Variants in PIK3CD observed in about 807,000 individuals in gnomAD.
PIK3CD encodes phosphatidylinositol 4,5-bisphosphate 3-kinase catalytic subunit delta isoform.
Under a neutral mutation model 122.9 loss-of-function variants are expected in PIK3CD, and 20 were observed. The observed-to-expected ratio is 0.16, with a 90% confidence interval of 0.11 to 0.24. PIK3CD has a LOEUF of 0.24. Among genes scored for constraint, PIK3CD ranks in the 10% least tolerant of loss-of-function variants. PIK3CD has a pLI of 1.00. For synonymous variants in PIK3CD, 596 were observed against 593.4 expected, an observed-to-expected ratio of 1.00 and a Z score of -0.06; for missense variants, 787 against 1,406.3, an observed-to-expected ratio of 0.56 and a Z score of 7.04.
intron 15 of PIK3CD, 38 bp from the exon 16 acceptor site, chr1:9,721,723 G>A (rs1648694573): frequency 1.2e-6 from 2 of 1,608,408 alleles, no homozygotes; most frequent in Non-Finnish European, 8.5e-7. Context: ...GCTGCGTGGT[G>A]CTGCCTGGTG....
chr1:9,721,005 T>C, intron 13 of PIK3CD, 96 bp downstream of exon 13: 3 of 1,230,802 alleles, frequency 2.4e-6, no homozygotes, highest in Non-Finnish European at 3.3e-6. Flanking sequence ...ACCCTCACCC[T>C]GGCCAACCTT....
At chr1:9,639,043 A>C in the PIK3CD span, among the ~76,000 whole-genome samples, 73 of 152,184 alleles carry the variant, frequency 4.8e-4, no homozygotes, top group African/African-American at 1.7e-3. Flanking sequence ...TCGGGATTAC[A>C]CGCGTGAGCC....
chr1:9,669,876 C>T (rs1231766519), intron 1 of PIK3CD, among the ~76,000 whole-genome samples: 2 of 151,964 alleles, frequency 1.3e-5, no homozygotes, highest in African/African-American at 2.4e-5. Context: ...TAAAAAAGTC[C>T]ATTAAAAATG....
chr1:9,694,265 C>T (rs1322847216), intron 2 of PIK3CD, among the ~76,000 whole-genome samples: 3 of 152,238 alleles, frequency 2.0e-5, no homozygotes, highest in Non-Finnish European at 4.4e-5. Context: ...GGCACGGTGG[C>T]TCCCACCTGT....
At chr1:9,685,933 C>G (rs768068862) in intron 1 of PIK3CD, among the ~76,000 whole-genome samples, 3 of 152,170 alleles carry the variant, frequency 2.0e-5, no homozygotes, top group Non-Finnish European at 4.4e-5. Context: ...CTGACCACAC[C>G]TAGAAATGCT....
At chr1:9,699,438 T>A (rs1158941143) in intron 2 of PIK3CD, among the ~76,000 whole-genome samples, 2 of 152,118 alleles carry the variant, frequency 1.3e-5, no homozygotes, top group African/African-American at 4.8e-5. Context: ...CTCAGTCCTC[T>A]GCTTAAAACC....
chr1:9,653,461 GCCA>G, intron 1 of PIK3CD: 1 of 246,096 alleles, frequency 4.1e-6, no homozygotes, highest in Non-Finnish European at 8.1e-6. Context: ...TCTTTCCGAC[GCCA>G]GCGCGTTTAA....
rs1159559853 is a variant in PIK3CD, at chr1:9,718,694, C to T, written c.1021C>T (p.Leu341=). Residue 341 remains leucine, a splice_region_variant and synonymous_variant, in exon 9 of 24, where the codon CTG becomes TTG. Coordinates refer to ENST00000377346, the MANE Select transcript of PIK3CD (RefSeq NM_005026.5). This position sits in a 1 kb window ranked among gnomAD's most constrained non-coding sequence, Gnocchi z 7.2. ...CCCATCATCCCGGCACCTTCTACAG[C>T]TGGTGGTGCAGGCCGGGCTTTTCCA... is the stretch of plus-strand genomic sequence containing the variant. ...SKVNADERMK[L]VVQAGLFHGN... is the part of the protein sequence containing the mutation. The T allele has an allele frequency of 6.2e-7, 1 of 1,603,074 alleles. No individual in the cohort carries two copies. The highest frequency in any genetic ancestry group is 1.1e-5 in the South Asian group (1 of 91,044).
At chr1:9,648,972 C>T (rs1180681729), upstream of PIK3CD, among the ~76,000 whole-genome samples, 3 of 152,026 alleles carry the variant, frequency 2.0e-5, no homozygotes, top group Admixed American at 1.3e-4. Flanking sequence ...CATGGTGGCA[C>T]GCATCTGCAG....
intron 3 of PIK3CD, among the ~76,000 whole-genome samples, chr1:9,712,422 A>G (rs1647092012): frequency 6.6e-6 from 1 of 152,066 alleles, no homozygotes; most frequent in East Asian, 1.9e-4. Context: ...CTGGGACTAC[A>G]GGCACGTGCC....
chr1:9,726,958 G>A lies in PIK3CD; in HGVS notation c.3047G>A (p.Arg1016Gln), dbSNP rs750587940. 11 of 1,613,810 alleles carry A rather than the reference G, an allele frequency of 6.8e-6. No individual in the cohort carries two copies. The highest frequency in any genetic ancestry group is 3.3e-5 in the South Asian group (3 of 91,070). ...GAGGAGGAGGCACTGAAGCACTTCCGAGTGAAGTTTAACGAAGCCCTCCGT... is the reference window on the plus strand; with the variant it reads ...GAGGAGGAGGCACTGAAGCACTTCCAAGTGAAGTTTAACGAAGCCCTCCGT... ...KTEEEALKHF[R>Q]VKFNEALRES... Residue 1016 changes from arginine to glutamine, a missense_variant, in exon 24 of 24, where the codon CGA becomes CAA. Physicochemically the swap from Arg to Gln is conservative, Grantham distance 43. This residue lies in a region of PIK3CD where 60 missense variants were observed against 129.5 expected (regional missense o/e 0.46). Transcript: ENST00000377346.
chr1:9,670,150 C>CAAAAAAAAAAAACAAAAAA, intron 1 of PIK3CD, among the ~76,000 whole-genome samples: 1 of 60,310 alleles, frequency 1.7e-5, no homozygotes, highest in Non-Finnish European at 3.9e-5. Context: ...AATTCCACCT[C>CAAAAAAAAAAAACAAAAAA]AAAAAAAAAA....
At chr1:9,641,235 G>C in the PIK3CD span, among the ~76,000 whole-genome samples, 1 of 152,190 alleles carries the variant, frequency 6.6e-6, no homozygotes, top group African/African-American at 2.4e-5. Context: ...CTTGCTGGAT[G>C]AATCAGTGTT....
At chr1:9,703,254 C>A (rs780413926) in intron 2 of PIK3CD, among the ~76,000 whole-genome samples, 1 of 152,204 alleles carries the variant, frequency 6.6e-6, no homozygotes, top group African/African-American at 2.4e-5. Context: ...AGGGAGATAA[C>A]GTGTAGTGAT....
the PIK3CD span, among the ~76,000 whole-genome samples, chr1:9,645,636 C>T: frequency 3.6e-5 from 5 of 137,082 alleles, no homozygotes; most frequent in African/African-American, 2.7e-5. Flanking sequence ...GACAGAGTTT[C>T]GCTCTTGTTG....
chr1:9,715,560 A>G lies in PIK3CD; in HGVS notation c.161A>G (p.Gln54Arg). 6.2e-7 allele frequency: 1 copy of G among 1,613,528 alleles called. No homozygotes were observed. Reference protein sequence around the residue: ...TIKQLLWHRAQYEPLFHMLSG... With the variant: ...TIKQLLWHRARYEPLFHMLSG... ...CTCCAGCTGCTGTGGCACCGCGCCC[A>G]GTATGAGCCGCTCTTCCACATGCTC... is the stretch of plus-strand genomic sequence containing the variant. The change falls in exon 4 of 24, where the codon CAG (glutamine) becomes CGG (arginine). Residue 54 changes from glutamine to arginine, a missense_variant. Physicochemically the swap from Gln to Arg is conservative, Grantham distance 43. Transcript: ENST00000377346. This position sits in a 1 kb window ranked among gnomAD's most constrained non-coding sequence, Gnocchi z 4.1.
the PIK3CD span, among the ~76,000 whole-genome samples, chr1:9,632,861 CTTTTTTTTT>C: frequency 7.8e-6 from 1 of 128,628 alleles, no homozygotes; most frequent in South Asian, 2.5e-4. Flanking sequence ...CAACCTGATT[CTTTTTTTTT>C]TTTTTTTTTG....
chr1:9,669,200 G>A (rs1645249139), intron 1 of PIK3CD, among the ~76,000 whole-genome samples: 2 of 152,068 alleles, frequency 1.3e-5, no homozygotes, highest in South Asian at 4.2e-4. Context: ...ACAAGGTCTT[G>A]CTCTGTCACC....
rs1279930246 is a variant in PIK3CD at position 9,710,559 on chromosome 1, C to G, written c.104C>G (p.Pro35Arg). Residue 35 changes from proline to arginine, a missense_variant, in exon 3 of 24, where the codon CCT becomes CGT. This residue lies in a region of PIK3CD where 592 missense variants were observed against 920.6 expected (regional missense o/e 0.64). Coordinates refer to ENST00000377346, the MANE Select transcript of PIK3CD (RefSeq NM_005026.5). The surrounding 1 kb of genome is among the most constrained non-coding windows in gnomAD (Gnocchi z 4.7). ...CCCACAGGGGTCTACCTGAACTTCC[C>G]TGTGTCCCGCAATGCCAACCTCAGC... Reference protein sequence around the residue: ...LLPTGVYLNFPVSRNANLSTI... With the variant: ...LLPTGVYLNFRVSRNANLSTI... The G allele has an allele frequency of 3.1e-6, 5 of 1,613,922 alleles. No homozygotes were observed. Among genetic ancestry groups the G allele is most frequent in the African/African-American group, 1.3e-5 (1 of 74,866 alleles).
Sources: gnomAD v4.1 joint callset for allele counts (sites outside exome capture counted in the v4.1 genomes callset) on GRCh38, gnomAD v4.1.1 for gene constraint, gnomAD v4.1.1 regional missense constraint, Gnocchi (gnomAD v3.1) non-coding constraint, MANE v1.5 for transcripts, NCBI Gene and HGNC (gene_info 2026-07-23, HGNC 2026-07-21) for gene names.